SDK1: variants seen among roughly 807,000 people sequenced by gnomAD.
SDK1 encodes the protein protein sidekick-1.
In SDK1, 157 loss-of-function variants were observed where a neutral mutation model predicts 245.5. The observed-to-expected ratio is 0.64, with a 90% confidence interval of 0.56 to 0.73. The LOEUF (loss-of-function observed/expected upper bound fraction) is 0.73. SDK1 is among the 30% of genes least tolerant of loss of function. The pLI is 0.00. For synonymous variants in SDK1, 1,647 were observed against 1,278.5 expected, an observed-to-expected ratio of 1.29 and a Z score of -6.15; for missense variants, 3,583 against 3,002.3, an observed-to-expected ratio of 1.19 and a Z score of -4.52.
chr7:3,581,524 G>A (rs1340206954), intron 1 of SDK1, among the ~76,000 whole-genome samples: 2 of 152,160 alleles, frequency 1.3e-5, no homozygotes, highest in East Asian at 1.9e-4. Flanking sequence ...GTGGGGAAAG[G>A]GGAGCACTTA....
intron 14 of SDK1, among the ~76,000 whole-genome samples, chr7:3,999,489 T>C (rs1315481455): frequency 6.6e-6 from 1 of 152,126 alleles, no homozygotes; most frequent in African/African-American, 2.4e-5. Flanking sequence ...TGTGGGCAGG[T>C]GTGGGCATGG....
chr7:3,896,206 C>T (rs777249831), intron 5 of SDK1, among the ~76,000 whole-genome samples: 1 of 152,160 alleles, frequency 6.6e-6, no homozygotes. Flanking sequence ...ACCATTTCTG[C>T]TGTTCTTTAT....
intron 1 of SDK1, among the ~76,000 whole-genome samples, chr7:3,343,508 C>T (rs796280879): frequency 2.0e-5 from 3 of 152,222 alleles, no homozygotes; most frequent in African/African-American, 4.8e-5. Flanking sequence ...GAGAGTAGGA[C>T]GGACATGGAT....
chr7:4,085,462 C>T (rs1167907852), intron 22 of SDK1, among the ~76,000 whole-genome samples: 6 of 152,068 alleles, frequency 3.9e-5, no homozygotes, highest in African/African-American at 1.2e-4. Flanking sequence ...GTGGTTATCT[C>T]GATACAGATT....
Position 3,334,461 on chromosome 7 carries a change from C to T in SDK1, c.298+32577C>T, listed in dbSNP as rs541742744. On this transcript the variant is annotated intron_variant, in intron 1 of 44. Coordinates refer to ENST00000404826, the MANE Select transcript of SDK1 (RefSeq NM_152744.4). ...AAATGACCACAGGTAGCTGTCATAG[C>T]CCCGTAGAGAGTGTGAGAAAGCACA... Among the ~76,000 whole-genome samples, 4 of 152,078 alleles carry T rather than the reference C, an allele frequency of 2.6e-5. 1 individual carries two copies. Among genetic ancestry groups the T allele is most frequent in the African/African-American group, 7.2e-5 (3 of 41,484 alleles).
In SDK1 at chr7:4,221,383, C is replaced by T. The variant is rs1233330307; in HGVS notation, c.5827+19C>T. 2.5e-6 allele frequency: 4 copies of T among 1,592,812 alleles called. No homozygotes were observed. The highest frequency in any genetic ancestry group is 3.4e-6 in the Non-Finnish European group (4 of 1,170,694). Reference sequence around the variant, plus strand: ...CCCTCAGGTAGGGTGGCAGGCCCCACAAACGGGGTCTCAGCCCAGCGGACG... The same window carrying T: ...CCCTCAGGTAGGGTGGCAGGCCCCATAAACGGGGTCTCAGCCCAGCGGACG... On this transcript the variant is annotated intron_variant, in intron 40 of 44. Coordinates refer to ENST00000404826, the MANE Select transcript of SDK1 (RefSeq NM_152744.4).
chr7:3,772,586 T>C lies in SDK1; in HGVS notation c.714-48864T>C, dbSNP rs1188931744. 4.6e-5 allele frequency among the ~76,000 whole-genome samples: 7 copies of C among 152,214 alleles called. No individual in the cohort carries two copies. In the East Asian group the frequency reaches 5.8e-4, roughly 13 times the overall value. ...AAAAAAGTATTAGCATCTTAAATCA[T>C]ATAGAAAAAAGTGGAGTTACAAACT... On this transcript the variant is annotated intron_variant, in intron 4 of 44. Coordinates refer to ENST00000404826, the MANE Select transcript of SDK1 (RefSeq NM_152744.4).
At chr7:3,448,959 C>G (rs1196364422) in intron 1 of SDK1, among the ~76,000 whole-genome samples, 2 of 152,154 alleles carry the variant, frequency 1.3e-5, no homozygotes, top group Non-Finnish European at 1.5e-5. Flanking sequence ...AATCAGCTTG[C>G]AACCTAACAA....
chr7:3,420,989 C>T (rs1180815413), intron 1 of SDK1, among the ~76,000 whole-genome samples: 1 of 151,620 alleles, frequency 6.6e-6, no homozygotes, highest in Non-Finnish European at 1.5e-5. Context: ...AAGGTTAGTA[C>T]TTGGATTGTT....
At chr7:3,991,153 A>G (rs184206704) in intron 14 of SDK1, among the ~76,000 whole-genome samples, 1 of 152,204 alleles carries the variant, frequency 6.6e-6, no homozygotes, top group South Asian at 2.1e-4. Context: ...AAAGTCTTCA[A>G]AGAAGATGTG....
At chr7:3,916,297 A>G (rs1779378134) in intron 5 of SDK1, among the ~76,000 whole-genome samples, 1 of 152,224 alleles carries the variant, frequency 6.6e-6, no homozygotes, top group African/African-American at 2.4e-5. Context: ...TAGTAAATCT[A>G]CACTTTACAT....
At chr7:3,560,404 A>G (rs1428648844) in intron 1 of SDK1, among the ~76,000 whole-genome samples, 3 of 152,246 alleles carry the variant, frequency 2.0e-5, no homozygotes, top group East Asian at 3.9e-4. Context: ...AAAAAATTCT[A>G]AGTCATCCTT....
At chr7:3,425,975 T>C (rs1311226131) in intron 1 of SDK1, among the ~76,000 whole-genome samples, 1 of 152,244 alleles carries the variant, frequency 6.6e-6, no homozygotes, top group South Asian at 2.1e-4. Flanking sequence ...TCTCAAAAGA[T>C]TTTTAATCTG....
At chr7:3,726,609 GT>G (rs1779015580) in intron 4 of SDK1, among the ~76,000 whole-genome samples, 1 of 152,196 alleles carries the variant, frequency 6.6e-6, no homozygotes, top group Admixed American at 6.5e-5. Context: ...CATCTCCAAG[GT>G]TATAAGTTAT....
At chr7:3,600,287 C>A (rs1440021574) in intron 1 of SDK1, among the ~76,000 whole-genome samples, 2 of 152,016 alleles carry the variant, frequency 1.3e-5, no homozygotes, top group Non-Finnish European at 2.9e-5. Flanking sequence ...CCTTGTTAAA[C>A]ACATTAGTTC....
In SDK1 at chr7:4,077,162, T is replaced by A; in HGVS notation, c.3175T>A (p.Ser1059Thr). 2 of 1,614,216 alleles carry A rather than the reference T, an allele frequency of 1.2e-6. No individual in the cohort carries two copies. The highest frequency in any genetic ancestry group is 1.7e-6 in the Non-Finnish European group (2 of 1,180,038). Reference sequence around the variant, plus strand: ...CGTGGGCACTGGCCTGGTGACTTCATCCACCATTTCTTCTGGAGTGCCCCC... The same window carrying A: ...CGTGGGCACTGGCCTGGTGACTTCAACCACCATTTCTTCTGGAGTGCCCCC... The part of the protein sequence containing the change: ...TAVGTGLVTS[S>T]TISSGVPPDL... The change falls in exon 21 of 45, where the codon TCC (serine) becomes ACC (threonine). Residue 1059 changes from serine to threonine, a missense_variant. By Grantham distance (58) the Ser-to-Thr change is moderately conservative. Coordinates refer to ENST00000404826, the MANE Select transcript of SDK1 (RefSeq NM_152744.4).
chr7:3,495,249 G>GTTTT (rs1781988724), intron 1 of SDK1, among the ~76,000 whole-genome samples: 3 of 120,046 alleles, frequency 2.5e-5, no homozygotes, highest in South Asian at 2.9e-4. Context: ...AAGCATAATG[G>GTTTT]TTCTTTTTTT....
chr7:3,536,116 G>T (rs1216443494), intron 1 of SDK1, among the ~76,000 whole-genome samples: 1 of 151,610 alleles, frequency 6.6e-6, no homozygotes, highest in South Asian at 2.1e-4. Context: ...GAGTGCAGTG[G>T]TGCGATCTCG....
intron 5 of SDK1, among the ~76,000 whole-genome samples, chr7:3,936,974 A>C (rs1439106856): frequency 6.6e-6 from 1 of 152,170 alleles, no homozygotes; most frequent in African/African-American, 2.4e-5. Flanking sequence ...AAGCTCAGGA[A>C]TGTTGGAACT....
Sources: gnomAD v4.1 joint callset for allele counts (sites outside exome capture counted in the v4.1 genomes callset) on GRCh38, gnomAD v4.1.1 for gene constraint, MANE v1.5 for transcripts, NCBI Gene and HGNC (gene_info 2026-07-23, HGNC 2026-07-21) for gene names.